The following RUFY1 variants were observed in gnomAD, a reference collection of about 807,000 sequenced individuals.
The protein encoded by RUFY1 is RUN and FYVE domain containing 1.
A neutral mutation model predicts 94.6 loss-of-function variants in RUFY1; 54 were observed. The observed-to-expected ratio is 0.57, with a 90% CI of 0.46 to 0.72. The LOEUF (loss-of-function observed/expected upper bound fraction) is 0.72. RUFY1 is among the 30% of genes least tolerant of loss of function. The probability of loss-of-function intolerance (pLI) is 0.00; values close to 1 mark genes in which losing one functional copy is unlikely to be tolerated. For synonymous variants in RUFY1, 396 were observed against 347.3 expected, an observed-to-expected ratio of 1.14 and a Z score of -1.56; for missense variants, 883 against 883.9, an observed-to-expected ratio of 1.00 and a Z score of 0.01.
chr5:179,555,263 C>T (rs895574047), intron 1 of RUFY1, among the ~76,000 whole-genome samples: 24 of 152,060 alleles, frequency 1.6e-4, no homozygotes. Context: ...TTGCTTGAGC[C>T]CAGGAGTCTG....
At position 179,609,723 on chromosome 5, in the gene RUFY1, A is replaced by G; in HGVS notation, c.*204A>G. The G allele has an allele frequency of 2.0e-6, 1 of 501,476 alleles. No homozygotes were observed. Among genetic ancestry groups the G allele is most frequent in the East Asian group, 3.3e-5 (1 of 30,106 alleles). 31.1% of individuals were successfully genotyped at this position (501,476 alleles called of 1,614,324 possible). The stretch of plus-strand genomic sequence containing the variant: ...GTTCGGAATTAACTCCTCTGGATGG[A>G]AACTTCCATCTTACTTGGTTACATC... On this transcript the variant is annotated 3_prime_UTR_variant, in exon 18 of 18. Coordinates refer to ENST00000319449, the MANE Select transcript of RUFY1 (RefSeq NM_025158.5).
chr5:179,565,622 T>C (rs190747925), intron 3 of RUFY1, among the ~76,000 whole-genome samples: 2 of 152,364 alleles, frequency 1.3e-5, no homozygotes, highest in Admixed American at 1.3e-4. Context: ...CGAATATTCA[T>C]TTACAATATC....
In RUFY1 at chr5:179,594,856, G is replaced by T. The variant is rs1262470686; in HGVS notation, c.1414-10G>T. 1.9e-6 allele frequency: 3 copies of T among 1,598,608 alleles called. No homozygotes were observed. In the East Asian group the frequency reaches 6.8e-5, roughly 36 times the overall value. On this transcript the variant is annotated splice_polypyrimidine_tract_variant and intron_variant, in intron 11 of 17. Transcript: ENST00000319449. ...CAGGCAGAGTATGAACCCTTCCTTT[G>T]CTTTTGTAGAATGCAGAGAGCAGTT...
chr5:179,562,635 G>A lies in RUFY1; in HGVS notation c.573G>A (p.Ala191=), dbSNP rs145001113. 43 of 1,591,930 alleles carry A rather than the reference G, an allele frequency of 2.7e-5. No individual in the cohort carries two copies. The highest frequency in any genetic ancestry group is 3.4e-5 in the Non-Finnish European group (39 of 1,160,230). ...EKLCPEASDI[A]TSVRNLPELK... is the part of the protein sequence containing the mutation. ...TTTGTCCAGAAGCATCAGATATAGCGACTAGTGTCAGAAATCTTCCAGAAT... is the reference window on the plus strand; with the variant it reads ...TTTGTCCAGAAGCATCAGATATAGCAACTAGTGTCAGAAATCTTCCAGAAT... Residue 191 remains alanine (A), a synonymous_variant, in exon 3 of 18, where the codon GCG becomes GCA. Transcript: ENST00000319449.
intron 10 of RUFY1, among the ~76,000 whole-genome samples, chr5:179,592,611 C>T (rs907460188): frequency 6.6e-6 from 1 of 152,164 alleles, no homozygotes; most frequent in African/African-American, 2.4e-5. Flanking sequence ...TTTGACAATA[C>T]AATTCTCTCC....
chr5:179,561,322 T>G (rs1359337769), intron 2 of RUFY1, among the ~76,000 whole-genome samples: 1 of 151,870 alleles, frequency 6.6e-6, no homozygotes, highest in Non-Finnish European at 1.5e-5. Flanking sequence ...GTGTGCTAAG[T>G]GTGCTGAGGG....
At chr5:179,602,249 T>G in intron 15 of RUFY1, 1 of 424,180 alleles carries the variant, frequency 2.4e-6, no homozygotes, top group African/African-American at 2.0e-5. Flanking sequence ...TCCTATTCCT[T>G]AGCTTCATAT....
In RUFY1 at chr5:179,609,507, C is replaced by T. The variant is rs201845769; in HGVS notation, c.2115C>T (p.Ser705=). 5 of 1,605,008 alleles carry T rather than the reference C, an allele frequency of 3.1e-6. No homozygotes were observed. The East Asian group carries it at 6.7e-5, about 22-fold the overall frequency. The change falls in exon 18 of 18, where the codon TCC becomes TCT. Residue 705 remains serine, a synonymous_variant. Transcript: ENST00000319449. The stretch of plus-strand genomic sequence containing the variant: ...CCCTGCTCCTGCAGCGCTGCTCCTC[C>T]ACGGCCTCCTGAACGTCCGTCCTCA... ...CHTLLLQRCS[S]TAS
At chr5:179,592,679 C>T (rs1765214872) in intron 10 of RUFY1, among the ~76,000 whole-genome samples, 1 of 152,218 alleles carries the variant, frequency 6.6e-6, no homozygotes, top group South Asian at 2.1e-4. Flanking sequence ...ACCAGAGTTA[C>T]TTGTAAACAC....
intron 16 of RUFY1, chr5:179,606,227 C>T (rs963536329): frequency 1.1e-5 from 5 of 453,222 alleles, no homozygotes; most frequent in South Asian, 2.5e-5. Flanking sequence ...GAGGGACCCG[C>T]GGATATCTTT....
chr5:179,581,027 T>C lies in RUFY1; in HGVS notation c.956+15T>C, dbSNP rs765880966. On this transcript the variant is annotated intron_variant, in intron 7 of 17. Coordinates refer to ENST00000319449, the MANE Select transcript of RUFY1 (RefSeq NM_025158.5). ...CGGCACTTGAGGTAAGACTCCTTTT[T>C]TTTTCAATGTGACAGTTACATACTC... 1.3e-5 allele frequency: 20 copies of C among 1,551,046 alleles called. 1 individual carries two copies. The South Asian group carries it at 1.9e-4, about 15-fold the overall frequency.
At chr5:179,584,548 G>C (rs1006657925) in intron 7 of RUFY1, among the ~76,000 whole-genome samples, 1 of 152,158 alleles carries the variant, frequency 6.6e-6, no homozygotes, top group Non-Finnish European at 1.5e-5. Context: ...GGAGGCTGGG[G>C]CAGGAGGAGG....
At chr5:179,570,897 G>A (rs771746593) in intron 5 of RUFY1, among the ~76,000 whole-genome samples, 3 of 152,034 alleles carry the variant, frequency 2.0e-5, no homozygotes, top group Admixed American at 6.6e-5. Context: ...CTCTTAGACC[G>A]ATAATTCAGT....
At chr5:179,582,595 G>C (rs2127542724) in intron 7 of RUFY1, among the ~76,000 whole-genome samples, 1 of 152,282 alleles carries the variant, frequency 6.6e-6, no homozygotes, top group Non-Finnish European at 1.5e-5. Flanking sequence ...GCTCACACCT[G>C]TAATCCCAAC....
intron 14 of RUFY1, chr5:179,599,939 C>T (rs1303304196): frequency 6.6e-6 from 1 of 152,250 alleles, no homozygotes; most frequent in Non-Finnish European, 1.5e-5. Context: ...CTTTTGATTT[C>T]CATTGGAAAG....
intron 9 of RUFY1, among the ~76,000 whole-genome samples, chr5:179,590,019 T>G: frequency 6.6e-6 from 1 of 152,172 alleles, no homozygotes; most frequent in East Asian, 1.9e-4. Flanking sequence ...TTTTGTAGAA[T>G]TGTTGGCTTG....
chr5:179,604,529 G>C (rs989864629), intron 15 of RUFY1, among the ~76,000 whole-genome samples: 4 of 151,940 alleles, frequency 2.6e-5, no homozygotes, highest in Non-Finnish European at 5.9e-5. Flanking sequence ...GCTGCCTCCC[G>C]ATCTTTAGTA....
intron 17 of RUFY1, chr5:179,608,260 A>C (rs553403571): frequency 7.1e-6 from 7 of 987,640 alleles, no homozygotes; most frequent in Admixed American, 5.9e-5. Context: ...TGCCACAGCC[A>C]TGTTCTGTCT....
intron 11 of RUFY1, 70 bp from the exon 12 acceptor site, chr5:179,594,794 CCT>C (rs1198554951): frequency 1.2e-6 from 1 of 808,722 alleles, no homozygotes; most frequent in African/African-American, 1.9e-5. Context: ...GCAAATAAGC[CCT>C]GTTTGTAATC....
Sources: allele counts gnomAD v4.1 joint callset (sites outside exome capture counted in the v4.1 genomes callset), GRCh38; gene constraint gnomAD v4.1.1; transcripts MANE v1.5; gene names NCBI Gene and HGNC (gene_info 2026-07-23, HGNC 2026-07-21).